Variants in TET3 observed in about 807,000 individuals in gnomAD.
The protein encoded by TET3 is methylcytosine dioxygenase TET3.
A neutral mutation model predicts 141.4 loss-of-function variants in TET3; 19 were observed. The observed-to-expected ratio is 0.13, with a 90% CI of 0.09 to 0.20. The LOEUF is 0.20. Ranked by LOEUF, TET3 falls within the 10% of genes least tolerant of loss-of-function variation. The pLI is 1.00. For synonymous variants in TET3, 1,043 were observed against 980.9 expected (o/e 1.06, Z -1.18); for missense variants, 1,874 against 2,356.9 (o/e 0.80, Z 4.24).
intron 4 of TET3, among the ~76,000 whole-genome samples, chr2:74,049,972 T>C (rs1012954184): frequency 2.1e-4 from 32 of 152,120 alleles, no homozygotes; most frequent in African/African-American, 7.7e-4. Context: ...TTTACCAGCA[T>C]ATGGGGGAAA....
At chr2:74,080,691 G>A in intron 6 of TET3, 100 bp downstream of exon 6, 1 of 462,820 alleles carries the variant, frequency 2.2e-6, no homozygotes, top group Non-Finnish European at 3.6e-6. Flanking sequence ...TAGCTGAGCA[G>A]GCGAGGGCGG....
downstream of TET3, among the ~76,000 whole-genome samples, chr2:74,110,936 C>T (rs1477814459): frequency 6.6e-6 from 1 of 152,148 alleles, no homozygotes. Flanking sequence ...AGACCTTTCC[C>T]ACTCCTTCCT....
At chr2:74,016,978 T>C (rs1685762298) in intron 3 of TET3, among the ~76,000 whole-genome samples, 1 of 152,074 alleles carries the variant, frequency 6.6e-6, no homozygotes, top group African/African-American at 2.4e-5. Flanking sequence ...AAATTTACTC[T>C]TCTAGCTATT....
intron 3 of TET3, among the ~76,000 whole-genome samples, chr2:74,040,329 A>G (rs1272869689): frequency 6.6e-6 from 1 of 152,174 alleles, no homozygotes; most frequent in Non-Finnish European, 1.5e-5. Context: ...CAATTAAAAC[A>G]TACACACAGA....
intron 2 of TET3, among the ~76,000 whole-genome samples, chr2:73,987,766 C>CTT (rs536070747): frequency 3.5e-4 from 54 of 152,220 alleles, no homozygotes; most frequent in Non-Finnish European, 7.3e-4. Flanking sequence ...AAGAGTTGTA[C>CTT]TTGATGGCTT....
chr2:74,042,695 T>G (rs967557368), intron 3 of TET3, among the ~76,000 whole-genome samples: 5 of 152,214 alleles, frequency 3.3e-5, no homozygotes, highest in Admixed American at 3.3e-4. Flanking sequence ...CTTGTGGTTC[T>G]TACCTGGGCT....
chr2:74,060,788 C>G (rs1688468226), intron 4 of TET3, among the ~76,000 whole-genome samples: 1 of 152,198 alleles, frequency 6.6e-6, no homozygotes, highest in African/African-American at 2.4e-5. Flanking sequence ...CGCCCTTAAT[C>G]CATTTAACCC....
chr2:74,010,115 A>G (rs1318226718), intron 3 of TET3, among the ~76,000 whole-genome samples: 1 of 152,152 alleles, frequency 6.6e-6, no homozygotes, highest in Non-Finnish European at 1.5e-5. Flanking sequence ...GACCCTGGGT[A>G]GTAGTTAGGG....
intron 10 of TET3, among the ~76,000 whole-genome samples, chr2:74,098,616 C>T (rs550811898): frequency 1.1e-4 from 16 of 143,744 alleles, no homozygotes; most frequent in South Asian, 2.2e-4. Flanking sequence ...TTTTTTGAGA[C>T]GGAGTTTCAC....
chr2:74,113,010 A>AAC (rs1198725754), downstream of TET3, among the ~76,000 whole-genome samples: 264 of 118,244 alleles, frequency 2.2e-3, 2 homozygotes, highest in African/African-American at 9.1e-3. Context: ...CCGTCTCAAA[A>AAC]AAAAAAAAAA....
At chr2:74,003,986 C>T (rs1321048913) in intron 3 of TET3, among the ~76,000 whole-genome samples, 1 of 152,100 alleles carries the variant, frequency 6.6e-6, no homozygotes, top group Non-Finnish European at 1.5e-5. Flanking sequence ...GCTTGTCCCC[C>T]TTTTCAGGGC....
rs538630924 is a variant in TET3 at position 74,106,386 on chromosome 2, A to G, written c.*4210A>G. On this transcript the variant is annotated 3_prime_UTR_variant, in exon 12 of 12. Transcript: ENST00000409262. ...GTTGGGTACTTCTGCCTCTCCTAGC[A>G]TGATAGGCATTCTCATAGCCAGGGA... The G allele has an allele frequency of 1.3e-5, 2 of 153,838 alleles. No individual in the cohort carries two copies. Among genetic ancestry groups the G allele is most frequent in the South Asian group, 2.1e-4 (1 of 4,826 alleles). The allele number at this position is 153,838 out of a possible 1,614,324, so 9.5% of individuals were successfully genotyped here.
intron 3 of TET3, among the ~76,000 whole-genome samples, chr2:74,025,700 C>A (rs975872350): frequency 6.6e-6 from 1 of 152,190 alleles, no homozygotes; most frequent in Non-Finnish European, 1.5e-5. Flanking sequence ...TACAACCTCT[C>A]TTGTAAGAGA....
intron 4 of TET3, among the ~76,000 whole-genome samples, chr2:74,072,161 G>A (rs1328019215): frequency 6.6e-6 from 1 of 152,176 alleles, no homozygotes; most frequent in Admixed American, 6.5e-5. Flanking sequence ...CCTATTCTGA[G>A]TATTTCATAT....
intron 3 of TET3, among the ~76,000 whole-genome samples, chr2:74,042,231 C>T (rs770385812): frequency 2.6e-5 from 4 of 152,114 alleles, no homozygotes; most frequent in Non-Finnish European, 4.4e-5. Flanking sequence ...CATCCACAGC[C>T]GAAGTTGCAA....
At chr2:74,088,337 T>C (rs1163525197) in intron 7 of TET3, among the ~76,000 whole-genome samples, 1 of 152,118 alleles carries the variant, frequency 6.6e-6, no homozygotes, top group Admixed American at 6.5e-5. Context: ...ATAGAAGGTA[T>C]CGAAGATATT....
the TET3 span, among the ~76,000 whole-genome samples, chr2:74,131,761 C>A: frequency 6.6e-6 from 1 of 152,196 alleles, no homozygotes. Context: ...ACAAGCAACA[C>A]TTAATCAAAA....
In TET3 at chr2:73,998,721, G is replaced by A. The variant is rs893372092; in HGVS notation, c.304-4389G>A. Among the ~76,000 whole-genome samples, 9 of 152,250 alleles carry A rather than the reference G, an allele frequency of 5.9e-5. No homozygotes were observed. The South Asian group carries it at 6.2e-4, about 11-fold the overall frequency. ...AGGGGATGATGTGTGTGTGATGGGC[G>A]GCAATTACTTGGGTGGAAATTGATG... On this transcript the variant is annotated intron_variant, in intron 2 of 11. Coordinates refer to ENST00000409262, the MANE Select transcript of TET3 (RefSeq NM_001287491.2).
At chr2:74,023,305 C>T (rs535594837) in intron 3 of TET3, among the ~76,000 whole-genome samples, 3 of 152,224 alleles carry the variant, frequency 2.0e-5, no homozygotes, top group Admixed American at 1.3e-4. Flanking sequence ...AGCGGTGCTG[C>T]GATCATGGCT....
Sources: allele counts gnomAD v4.1 joint callset (sites outside exome capture counted in the v4.1 genomes callset), GRCh38; gene constraint gnomAD v4.1.1; transcripts MANE v1.5; gene names NCBI Gene and HGNC (gene_info 2026-07-23, HGNC 2026-07-21).